The following PCDHGA1 variants were observed in gnomAD, a reference collection of about 807,000 sequenced individuals.
PCDHGA1 encodes the protein protocadherin gamma-A1.
Under a neutral mutation model 58.0 loss-of-function variants are expected in PCDHGA1, and 32 were observed. That is an observed-to-expected ratio of 0.55 (90% CI 0.42 to 0.74). PCDHGA1 has a LOEUF of 0.74. Ranked by LOEUF, PCDHGA1 falls within the 30% of genes least tolerant of loss-of-function variation. PCDHGA1 has a pLI of 0.00. For missense variants in PCDHGA1, 1,205 were observed against 1,182.3 expected, an observed-to-expected ratio of 1.02 and a Z score of -0.28; for synonymous variants, 498 against 501.1, an observed-to-expected ratio of 0.99 and a Z score of 0.08.
intron 1 of PCDHGA1, chr5:141,423,206 C>A: frequency 6.2e-7 from 1 of 1,613,668 alleles, no homozygotes. Context: ...GCCACCGTCA[C>A]GCTCACCGTG....
intron 2 of PCDHGA1, among the ~76,000 whole-genome samples, chr5:141,495,811 G>A (rs1164360438): frequency 1.3e-5 from 2 of 151,710 alleles, no homozygotes; most frequent in Admixed American, 1.3e-4. Flanking sequence ...GTTTCCTAGC[G>A]CCTTGTGTTC....
rs1250096461 is a variant in PCDHGA1 at position 141,485,533 on chromosome 5, G to A, written c.2422-9274G>A. 6.2e-7 allele frequency: 1 copy of A among 1,614,084 alleles called. No homozygotes were observed. Among genetic ancestry groups the A allele is most frequent in the Non-Finnish European group, 8.5e-7 (1 of 1,180,034 alleles). On this transcript the variant is annotated intron_variant, in intron 1 of 3. Coordinates refer to ENST00000517417, the MANE Select transcript of PCDHGA1 (RefSeq NM_018912.3). This position sits in a 1 kb window ranked among gnomAD's most constrained non-coding sequence, Gnocchi z 5.7. ...GTCCTTTGGAAATGTACCGAGCAGA[G>A]GTAGAGATCGTAGATGTGAATGATC...
At chr5:141,430,817 C>T (rs200369093) in intron 1 of PCDHGA1, 2 of 1,539,796 alleles carry the variant, frequency 1.3e-6, no homozygotes, top group Non-Finnish European at 1.7e-6. Flanking sequence ...GGGAATCCTC[C>T]TGGGGACTCT....
intron 1 of PCDHGA1, among the ~76,000 whole-genome samples, chr5:141,481,675 C>T (rs943204061): frequency 4.0e-5 from 6 of 151,490 alleles, no homozygotes; most frequent in Non-Finnish European, 5.9e-5. Context: ...AAAATCAGGC[C>T]GGGCCTGGTG....
chr5:141,361,468 G>C, intron 1 of PCDHGA1: 3 of 1,614,008 alleles, frequency 1.9e-6, no homozygotes, highest in Non-Finnish European at 2.5e-6. Context: ...CATCTCCGAC[G>C]TCAACGATAA....
chr5:141,427,287 A>G (rs1030754713), intron 1 of PCDHGA1: 2 of 456,716 alleles, frequency 4.4e-6, no homozygotes, highest in African/African-American at 4.0e-5. Flanking sequence ...TATACTAGAA[A>G]TCCTAGATGA....
chr5:141,393,080 G>A (rs747012880), intron 1 of PCDHGA1: 1 of 1,613,694 alleles, frequency 6.2e-7, no homozygotes, highest in Non-Finnish European at 8.5e-7. Flanking sequence ...CCGCGGGCAG[G>A]ATAGATCGGG....
chr5:141,497,005 A>T (rs1249733879), intron 2 of PCDHGA1, among the ~76,000 whole-genome samples: 1 of 152,134 alleles, frequency 6.6e-6, no homozygotes, highest in Non-Finnish European at 1.5e-5. Context: ...GGCAGCCAAC[A>T]TGGTGAAACC....
chr5:141,375,058 A>G (rs1346702145), intron 1 of PCDHGA1: 1 of 1,613,948 alleles, frequency 6.2e-7, no homozygotes, highest in Non-Finnish European at 8.5e-7. Flanking sequence ...GGGATGGGCC[A>G]GGTCTTCGAG....
intron 2 of PCDHGA1, among the ~76,000 whole-genome samples, chr5:141,501,984 G>A (rs989251578): frequency 2.0e-5 from 3 of 152,042 alleles, no homozygotes; most frequent in African/African-American, 4.8e-5. Context: ...ATCTGGTCCC[G>A]TTGTCTCCCT....
intron 1 of PCDHGA1, among the ~76,000 whole-genome samples, chr5:141,425,133 A>T (rs1311425564): frequency 6.6e-6 from 1 of 152,200 alleles, no homozygotes; most frequent in Non-Finnish European, 1.5e-5. Flanking sequence ...GTCAAGAAAA[A>T]TGTTCAGGTA....
intron 1 of PCDHGA1, chr5:141,378,010 T>C (rs1476632072): frequency 6.6e-6 from 1 of 152,212 alleles, no homozygotes; most frequent in Non-Finnish European, 1.5e-5. Flanking sequence ...TCAAATAAGC[T>C]CTACTTATAT....
intron 1 of PCDHGA1, chr5:141,385,006 G>T (rs762264055): frequency 1.2e-6 from 2 of 1,614,090 alleles, no homozygotes; most frequent in Admixed American, 3.3e-5. Flanking sequence ...AGTCTCCTGC[G>T]TCTTCCTAGC....
At chr5:141,343,329 T>C in intron 1 of PCDHGA1, 1 of 981,714 alleles carries the variant, frequency 1.0e-6, no homozygotes, top group Non-Finnish European at 1.2e-6. Flanking sequence ...TTCTTTTCTT[T>C]TTTTCCTTGT....
At chr5:141,509,670 T>G (rs2099877782) in intron 3 of PCDHGA1, among the ~76,000 whole-genome samples, 1 of 152,136 alleles carries the variant, frequency 6.6e-6, no homozygotes, top group African/African-American at 2.4e-5. Flanking sequence ...TGGGCCCCAG[T>G]TTCTTCTTCT....
chr5:141,408,617 C>T (rs2095139011), intron 1 of PCDHGA1: 2 of 1,614,004 alleles, frequency 1.2e-6, no homozygotes, highest in African/African-American at 2.7e-5. Flanking sequence ...AAAGGAAATA[C>T]ATTTAGAAAT....
chr5:141,476,179 T>C lies in PCDHGA1; in HGVS notation c.2422-18628T>C, dbSNP rs1283155400. 26 of 1,613,476 alleles carry C rather than the reference T, an allele frequency of 1.6e-5. No homozygotes were observed. The highest frequency in any genetic ancestry group is 2.0e-5 in the Non-Finnish European group (24 of 1,179,998). On this transcript the variant is annotated intron_variant, in intron 1 of 3. Transcript: ENST00000517417. This position sits in a 1 kb window ranked among gnomAD's most constrained non-coding sequence, Gnocchi z 7.6. Reference sequence around the variant, plus strand: ...CCGGGAGGGTAGTGGGAGTTTTGCTTCTGCTTGGTGCCTTGAACAAGGCTT... The same window carrying C: ...CCGGGAGGGTAGTGGGAGTTTTGCTCCTGCTTGGTGCCTTGAACAAGGCTT...
intron 1 of PCDHGA1, chr5:141,404,997 C>A (rs2154535986): frequency 6.2e-7 from 1 of 1,614,034 alleles, no homozygotes; most frequent in East Asian, 2.2e-5. Context: ...CAGATCCCTG[C>A]AGACCTGGAG....
chr5:141,382,167 G>A (rs1003056701), intron 1 of PCDHGA1, among the ~76,000 whole-genome samples: 7 of 152,038 alleles, frequency 4.6e-5, no homozygotes, highest in African/African-American at 1.7e-4. Context: ...GAAGGTGTTA[G>A]ACCGTCTCTA....
Sources: allele counts gnomAD v4.1 joint callset (sites outside exome capture counted in the v4.1 genomes callset), GRCh38; gene constraint gnomAD v4.1.1; non-coding constraint Gnocchi (gnomAD v3.1); transcripts MANE v1.5; gene names NCBI Gene and HGNC (gene_info 2026-07-23, HGNC 2026-07-21).